NLGN1: variants seen among roughly 807,000 people sequenced by gnomAD.
The protein encoded by NLGN1 is neuroligin 1, also known as neuroligin-1.
A neutral mutation model predicts 65.5 loss-of-function variants in NLGN1; 12 were observed. That is an observed-to-expected ratio of 0.18 (90% confidence interval 0.12 to 0.30). The LOEUF (loss-of-function observed/expected upper bound fraction) is 0.30, where lower values mean the gene tolerates loss of function less well. Ranked by LOEUF, NLGN1 falls within the 10% of genes least tolerant of loss-of-function variation. The probability of loss-of-function intolerance (pLI) is 1.00; values close to 1 mark genes in which losing one functional copy is unlikely to be tolerated. For synonymous variants in NLGN1, 350 were observed against 359.5 expected, an observed-to-expected ratio of 0.97 and a Z score of 0.30; for missense variants, 750 against 1,007.1, an observed-to-expected ratio of 0.74 and a Z score of 3.46.
chr3:173,472,138 A>G (rs1407027800), intron 2 of NLGN1, among the ~76,000 whole-genome samples: 1 of 152,150 alleles, frequency 6.6e-6, no homozygotes, highest in Non-Finnish European at 1.5e-5. Flanking sequence ...TGCACACGCT[A>G]TTCTCAGTTC....
intron 3 of NLGN1, chr3:173,789,894 T>A: frequency 1.9e-6 from 1 of 513,240 alleles, no homozygotes; most frequent in Non-Finnish European, 3.9e-6. Flanking sequence ...AGTTCTGATT[T>A]CTCAGCATCT....
chr3:173,666,874 G>T (rs998291590), intron 3 of NLGN1, among the ~76,000 whole-genome samples: 1 of 152,052 alleles, frequency 6.6e-6, no homozygotes, highest in African/African-American at 2.4e-5. Context: ...AGAAAACACA[G>T]ATCAACAAAC....
intron 4 of NLGN1, among the ~76,000 whole-genome samples, chr3:174,076,679 T>TATAG (rs1177520763): frequency 2.2e-5 from 2 of 92,886 alleles, no homozygotes; most frequent in Non-Finnish European, 4.1e-5. Context: ...TCTGGGACCA[T>TATAG]AGAGAGAGAG....
intron 4 of NLGN1, among the ~76,000 whole-genome samples, chr3:173,829,764 T>C (rs1299669362): frequency 6.6e-6 from 1 of 152,198 alleles, no homozygotes; most frequent in Admixed American, 6.6e-5. Flanking sequence ...ATTTGTTCTC[T>C]CAAATTCCTT....
intron 4 of NLGN1, among the ~76,000 whole-genome samples, chr3:174,253,873 A>C (rs1745195039): frequency 6.6e-6 from 1 of 152,184 alleles, no homozygotes; most frequent in Non-Finnish European, 1.5e-5. Context: ...CTGAAGGCCA[A>C]GTTACATGAA....
At chr3:174,178,168 A>C (rs9872844) in intron 4 of NLGN1, among the ~76,000 whole-genome samples, 28,478 of 152,100 alleles carry the variant, frequency 0.19, 3,256 homozygotes, top group East Asian at 0.62. Flanking sequence ...CACACTATCT[A>C]GTGAACTAGG....
At chr3:174,241,413 C>T (rs1162660816) in intron 4 of NLGN1, among the ~76,000 whole-genome samples, 2 of 151,330 alleles carry the variant, frequency 1.3e-5, no homozygotes, top group Non-Finnish European at 2.9e-5. Context: ...TATGGATGCC[C>T]AATTAGGTGT....
chr3:174,171,389 A>AT (rs1193481820), intron 4 of NLGN1, among the ~76,000 whole-genome samples: 1 of 152,098 alleles, frequency 6.6e-6, no homozygotes, highest in Non-Finnish European at 1.5e-5. Context: ...TATTTCTATT[A>AT]TTGTGAATAT....
intron 3 of NLGN1, among the ~76,000 whole-genome samples, chr3:173,668,065 T>A (rs1048145513): frequency 1.1e-4 from 17 of 152,214 alleles, no homozygotes; most frequent in Non-Finnish European, 1.5e-5. Context: ...GGATACAATG[T>A]GATTTCCTTA....
chr3:173,864,470 A>T (rs1374776343), intron 4 of NLGN1, among the ~76,000 whole-genome samples: 1 of 152,176 alleles, frequency 6.6e-6, no homozygotes, highest in Non-Finnish European at 1.5e-5. Context: ...TTGAAGGGGG[A>T]AATCATAAGT....
intron 4 of NLGN1, among the ~76,000 whole-genome samples, chr3:173,979,865 A>G (rs1718369915): frequency 6.6e-6 from 1 of 152,034 alleles, no homozygotes; most frequent in South Asian, 2.1e-4. Context: ...TGTTTTATAT[A>G]TAAGAATACT....
At chr3:173,740,539 C>T (rs1774483386) in intron 3 of NLGN1, among the ~76,000 whole-genome samples, 2 of 151,950 alleles carry the variant, frequency 1.3e-5, no homozygotes, top group African/African-American at 4.8e-5. Context: ...CCCTCCCATA[C>T]CCCTGTTCCA....
Position 174,114,729 on chromosome 3 carries a change from G to T in NLGN1, c.647-160586G>T, listed in dbSNP as rs28494780. On this transcript the variant is annotated intron_variant, in intron 4 of 6. Coordinates refer to ENST00000457714, the Ensembl canonical transcript of NLGN1. ...CATGCACTTATACATTATCCGTAAG[G>T]TGTTATACTTTTCCACCTCATAGAT... Among the ~76,000 whole-genome samples, 962 of 152,106 alleles carry T rather than the reference G, an allele frequency of 6.3e-3. 10 individuals are homozygous for T. Among genetic ancestry groups the T allele is most frequent in the African/African-American group, 0.023 (936 of 41,502 alleles).
chr3:174,243,632 G>C (rs1326258201), intron 4 of NLGN1, among the ~76,000 whole-genome samples: 3 of 151,990 alleles, frequency 2.0e-5, no homozygotes, highest in African/African-American at 7.3e-5. Context: ...CATAAGGTTG[G>C]TTATATTGCA....
intron 4 of NLGN1, among the ~76,000 whole-genome samples, chr3:173,888,239 G>A (rs1458553201): frequency 6.6e-6 from 1 of 151,808 alleles, no homozygotes; most frequent in Non-Finnish European, 1.5e-5. Flanking sequence ...GTATCTGTGG[G>A]GAATGGGTTC....
chr3:174,240,073 G>C (rs1742502274), intron 4 of NLGN1, among the ~76,000 whole-genome samples: 1 of 152,008 alleles, frequency 6.6e-6, no homozygotes. Flanking sequence ...TTAATAAAAA[G>C]ACATGAGGCT....
chr3:174,209,742 C>T (rs1311069017), intron 4 of NLGN1, among the ~76,000 whole-genome samples: 2 of 145,000 alleles, frequency 1.4e-5, no homozygotes, highest in Admixed American at 1.4e-4. Flanking sequence ...AAGTGATTCT[C>T]CTGCCTCAGC....
intron 4 of NLGN1, among the ~76,000 whole-genome samples, chr3:174,009,341 G>C (rs1174573685): frequency 6.6e-6 from 1 of 152,134 alleles, no homozygotes; most frequent in Non-Finnish European, 1.5e-5. Context: ...TGGGGTTGGG[G>C]AATAGGCATT....
rs144249157 is a variant in NLGN1 at position 173,891,412 on chromosome 3, G to A, written c.646+83580G>A. Reference sequence around the variant, plus strand: ...TCAGAAAATCATTTTAGATATTTAGGCAGCAAAAGCCTCTTCACAGTACTG... The same window carrying A: ...TCAGAAAATCATTTTAGATATTTAGACAGCAAAAGCCTCTTCACAGTACTG... On this transcript the variant is annotated intron_variant, in intron 4 of 6. Coordinates refer to ENST00000457714, the Ensembl canonical transcript of NLGN1. Among the ~76,000 whole-genome samples the A allele has an allele frequency of 7.2e-5, 11 of 152,188 alleles. No homozygotes were observed. In the East Asian group the frequency reaches 2.1e-3, roughly 29 times the overall value.
Sources: gnomAD v4.1 joint callset for allele counts (sites outside exome capture counted in the v4.1 genomes callset) on GRCh38, gnomAD v4.1.1 for gene constraint, MANE v1.5 for transcripts, NCBI Gene and HGNC (gene_info 2026-07-23, HGNC 2026-07-21) for gene names.